Variants in HOXB8 observed in about 807,000 individuals in gnomAD.
HOXB8 encodes homeobox B8.
In HOXB8, 17 loss-of-function variants were observed where a neutral mutation model predicts 22.2. That is an observed-to-expected ratio of 0.77 (90% CI 0.53 to 1.15). The LOEUF (loss-of-function observed/expected upper bound fraction) is 1.15, where lower values mean the gene tolerates loss of function less well. HOXB8 is among the 50% of genes most tolerant of loss of function. HOXB8 has a pLI of 0.00. For synonymous variants in HOXB8, 156 were observed against 144.6 expected (o/e 1.08, Z -0.57); for missense variants, 287 against 323.8 (o/e 0.89, Z 0.87).
At position 48,614,497 on chromosome 17, in the gene HOXB8, G is replaced by T. The variant is rs2070699833; in HGVS notation, c.208C>A (p.Gln70Lys). 6.2e-7 allele frequency: 1 copy of T among 1,613,892 alleles called. No homozygotes were observed. The highest frequency in any genetic ancestry group is 1.7e-5 in the Admixed American group (1 of 60,002). Residue 70 changes from glutamine to lysine, a missense_variant, in exon 1 of 2, where the codon CAG (glutamine) becomes AAG (lysine). Physicochemically the swap from Gln to Lys is moderately conservative, Grantham distance 53. Coordinates refer to ENST00000239144, the MANE Select transcript of HOXB8 (RefSeq NM_024016.4). The surrounding 1 kb of genome is among the most constrained non-coding windows in gnomAD (Gnocchi z 4.1). ...GPSSLSTAPY[Q>K]QNPCAVACHG... ...CACGCCACGGCGCACGGGTTCTGCTGGTAGGGAGCCGTGGACAGCGACGAC... is the reference window on the plus strand; with the variant it reads ...CACGCCACGGCGCACGGGTTCTGCTTGTAGGGAGCCGTGGACAGCGACGAC...
intron 1 of HOXB8, among the ~76,000 whole-genome samples, 170 bp from the exon 2 acceptor site, chr17:48,613,679 G>A (rs541483405): frequency 1.1e-3 from 160 of 152,118 alleles, no homozygotes; most frequent in African/African-American, 3.8e-3. Flanking sequence ...CGCGGTCGGC[G>A]GAGGAGGAGG....
rs1380226401 is a variant in HOXB8, at chr17:48,613,289, G to A, written c.645C>T (p.Cys215=). 1 of 1,613,852 alleles carries A rather than the reference G, an allele frequency of 6.2e-7. No homozygotes were observed. The highest frequency in any genetic ancestry group is 8.5e-7 in the Non-Finnish European group (1 of 1,179,942). ...TCTGTTTCTCCAGCTCCTCCTGCTC[G>A]CATTTGCTGCTGGGGAACTTGTCTT... is the stretch of plus-strand genomic sequence containing the variant. ...NNKDKFPSSK[C]EQEELEKQKL... Residue 215 remains cysteine, a synonymous_variant, in exon 2 of 2, where the codon TGC becomes TGT. Transcript: ENST00000239144.
chr17:48,613,532 G>C (rs369614742), intron 1 of HOXB8, 23 bp from the exon 2 acceptor site: 1 of 704,804 alleles, frequency 1.4e-6, no homozygotes, highest in Non-Finnish European at 2.0e-6. Context: ...GAAAGGGCGA[G>C]ACAGAGGGGA....
chr17:48,614,899 G>T lies in HOXB8; in HGVS notation c.-195C>A, dbSNP rs2145002265. On this transcript the variant is annotated 5_prime_UTR_variant, in exon 1 of 2. Transcript: ENST00000239144. This position sits in a 1 kb window ranked among gnomAD's most constrained non-coding sequence, Gnocchi z 4.1. ...AGAAAGAAAAGGCGAAGAAGATCTC[G>T]AAGCCGACACACTTTTTGTGGTTTC... 1.8e-6 allele frequency: 1 copy of T among 543,718 alleles called. No homozygotes were observed. 33.7% of individuals were successfully genotyped at this position (543,718 alleles called of 1,614,324 possible).
At position 48,614,356 on chromosome 17, in the gene HOXB8, C is replaced by A. The variant is rs61737568; in HGVS notation, c.349G>T (p.Gly117Cys). Residue 117 changes from glycine to cysteine, a missense_variant, in exon 1 of 2, where the codon GGC (glycine) becomes TGC (cysteine). Around this residue, in one of 3 missense-constraint regions of HOXB8, gnomAD observed 229 missense variants for 239.8 expected, o/e 0.95. Coordinates refer to ENST00000239144, the MANE Select transcript of HOXB8 (RefSeq NM_024016.4). This position sits in a 1 kb window ranked among gnomAD's most constrained non-coding sequence, Gnocchi z 4.1. ...YADCKLAAAS[G>C]LGEEAEGSEQ... ...GAGCCCTCGGCCTCCTCGCCCAGGCCGCTGGCGGCGGCAAGCTTGCAGTCT... is the reference window on the plus strand; with the variant it reads ...GAGCCCTCGGCCTCCTCGCCCAGGCAGCTGGCGGCGGCAAGCTTGCAGTCT... The A allele has an allele frequency of 1.9e-6, 3 of 1,605,068 alleles. 1 individual carries two copies. Among genetic ancestry groups the A allele is most frequent in the South Asian group, 2.2e-5 (2 of 90,776 alleles).
rs972670141 is a variant in HOXB8 at position 48,615,226 on chromosome 17, AGAGCGAGAGAGAGC to A, written c.-536_-523del. ...CCGGACAGAACGCAGAGCGAGGGTG[AGAGCGAGAGAGAGC>A]GAGCGAGAGAGAGAGCTAGAGCGAG... On this transcript the variant is annotated 5_prime_UTR_variant, in exon 1 of 2. Transcript: ENST00000239144. 5.2e-5 allele frequency among the ~76,000 whole-genome samples: 6 copies of A among 115,286 alleles called. No homozygotes were observed. The highest frequency in any genetic ancestry group is 2.4e-4 in the Admixed American group (3 of 12,546). The allele number at this position is 115,286 out of a possible 152,430, so 75.6% of individuals were successfully genotyped here.
Position 48,615,246 on chromosome 17 carries a change from A to C in HOXB8, c.-542T>G, listed in dbSNP as rs2070712068. Reference sequence around the variant, plus strand: ...GGGTGAGAGCGAGAGAGAGCGAGCGAGAGAGAGAGCTAGAGCGAGAGAGCG... The same window carrying C: ...GGGTGAGAGCGAGAGAGAGCGAGCGCGAGAGAGAGCTAGAGCGAGAGAGCG... On this transcript the variant is annotated 5_prime_UTR_variant, in exon 1 of 2. Transcript: ENST00000239144. Among the ~76,000 whole-genome samples the C allele has an allele frequency of 6.7e-6, 1 of 149,496 alleles. No homozygotes were observed. Among genetic ancestry groups the C allele is most frequent in the African/African-American group, 2.5e-5 (1 of 40,618 alleles).
Position 48,614,353 on chromosome 17 carries a change from G to T in HOXB8, c.352C>A (p.Leu118Met). ...TCGGAGCCCTCGGCCTCCTCGCCCA[G>T]GCCGCTGGCGGCGGCAAGCTTGCAG... is the stretch of plus-strand genomic sequence containing the variant. ...ADCKLAAASGLGEEAEGSEQS... is the reference protein window; with the variant it reads ...ADCKLAAASGMGEEAEGSEQS... The change falls in exon 1 of 2, where the codon CTG (leucine) becomes ATG (methionine). Residue 118 changes from leucine to methionine, a missense_variant. By Grantham distance (15) the Leu-to-Met change is conservative. This residue lies in a region of HOXB8 where 229 missense variants were observed against 239.8 expected (regional missense o/e 0.95). Transcript: ENST00000239144. This position sits in a 1 kb window ranked among gnomAD's most constrained non-coding sequence, Gnocchi z 4.1. 6.2e-7 allele frequency: 1 copy of T among 1,603,360 alleles called. No homozygotes were observed. The highest frequency in any genetic ancestry group is 8.5e-7 in the Non-Finnish European group (1 of 1,177,578).
chr17:48,614,767 G>T lies in HOXB8; in HGVS notation c.-63C>A, dbSNP rs922718588. 2.0e-6 allele frequency: 2 copies of T among 990,510 alleles called. No individual in the cohort carries two copies. Among genetic ancestry groups the T allele is most frequent in the Admixed American group, 3.4e-5 (1 of 29,562 alleles). The allele number at this position is 990,510 out of a possible 1,614,324, so 61.4% of individuals were successfully genotyped here. On this transcript the variant is annotated 5_prime_UTR_variant, in exon 1 of 2. Transcript: ENST00000239144. The surrounding 1 kb of genome is among the most constrained non-coding windows in gnomAD (Gnocchi z 4.1). ...ATAGTTGGGGGCTGTTGGGGAGGGGGTGGGGAGGGGGAAAGGGAGGGAGAG... is the reference window on the plus strand; with the variant it reads ...ATAGTTGGGGGCTGTTGGGGAGGGGTTGGGGAGGGGGAAAGGGAGGGAGAG...
At chr17:48,613,718 T>TA (rs1728796554) in intron 1 of HOXB8, among the ~76,000 whole-genome samples, 1 of 151,650 alleles carries the variant, frequency 6.6e-6, no homozygotes. Context: ...CAAGTGAATC[T>TA]AAGGGAGCCA....
In HOXB8 at chr17:48,612,990, G is replaced by A. The variant is rs967637572; in HGVS notation, c.*212C>T. On this transcript the variant is annotated 3_prime_UTR_variant, in exon 2 of 2. Coordinates refer to ENST00000239144, the MANE Select transcript of HOXB8 (RefSeq NM_024016.4). ...CTTTCCCCCCGGCCCCCAAGAGAAG[G>A]GAAGGAGATCCACGGTAGCTCACAC... The A allele has an allele frequency of 3.3e-5, 7 of 215,072 alleles. No individual in the cohort carries two copies. Among genetic ancestry groups the A allele is most frequent in the East Asian group, 1.2e-4 (1 of 8,390 alleles). 13.3% of individuals were successfully genotyped at this position (215,072 alleles called of 1,614,324 possible).
At position 48,612,643 on chromosome 17, in the gene HOXB8, G is replaced by A. The variant is rs530923243; in HGVS notation, c.*559C>T. The A allele has an allele frequency of 6.5e-6, 1 of 152,696 alleles. No individual in the cohort carries two copies. The highest frequency in any genetic ancestry group is 1.5e-5 in the Non-Finnish European group (1 of 68,114). The allele number at this position is 152,696 out of a possible 1,614,324, so 9.5% of individuals were successfully genotyped here. ...GAGAAGCCAGAGAGAAAGCCAGCGA[G>A]CTGGGGGGTTGCAGAGGGGAGAGAG... On this transcript the variant is annotated 3_prime_UTR_variant, in exon 2 of 2. Transcript: ENST00000239144.
At chr17:48,613,833 G>A (rs1441325604) in intron 1 of HOXB8, among the ~76,000 whole-genome samples, 1 of 152,032 alleles carries the variant, frequency 6.6e-6, no homozygotes, top group Non-Finnish European at 1.5e-5. Flanking sequence ...TGTGAAGGAG[G>A]GGGGAAAATA....
In HOXB8 at chr17:48,613,463, C is replaced by T; in HGVS notation, c.471G>A (p.Gln157=). The T allele has an allele frequency of 6.7e-7, 1 of 1,490,164 alleles. No individual in the cohort carries two copies. Among genetic ancestry groups the T allele is most frequent in the South Asian group, 1.1e-5 (1 of 89,152 alleles). 92.3% of individuals were successfully genotyped at this position (1,490,164 alleles called of 1,614,324 possible). ...GGAACTCCTTCTCCAGCTCCAGGGTCTGGTAGCGGCTGTAGGTCTGTCGGC... is the reference window on the plus strand; with the variant it reads ...GGAACTCCTTCTCCAGCTCCAGGGTTTGGTAGCGGCTGTAGGTCTGTCGGC... ...RRGRQTYSRY[Q]TLELEKEFLF... Residue 157 remains glutamine, a synonymous_variant, in exon 2 of 2, where the codon CAG becomes CAA. Coordinates refer to ENST00000239144, the MANE Select transcript of HOXB8 (RefSeq NM_024016.4).
chr17:48,614,541 T>G lies in HOXB8; in HGVS notation c.164A>C (p.Gln55Pro), dbSNP rs989206063. 3.7e-6 allele frequency: 6 copies of G among 1,613,514 alleles called. No homozygotes were observed. The highest frequency in any genetic ancestry group is 4.5e-5 in the East Asian group (2 of 44,854). Reference protein sequence around the residue: ...GGSFQHPSQIQEFYHGPSSLS... With the variant: ...GGSFQHPSQIPEFYHGPSSLS... ...CGACGACGGCCCGTGGTAGAACTCC[T>G]GGATTTGCGACGGGTGCTGGAAGCT... The change falls in exon 1 of 2, where the codon CAG becomes CCG. Residue 55 changes from glutamine (Q) to proline (P), a missense_variant. Coordinates refer to ENST00000239144, the MANE Select transcript of HOXB8 (RefSeq NM_024016.4). The surrounding 1 kb of genome is among the most constrained non-coding windows in gnomAD (Gnocchi z 4.1).
Position 48,614,261 on chromosome 17 carries a change from C to A in HOXB8, c.424+20G>T. ...CCTTCCGGCCCCCTCCTGCCCTTGT[C>A]GGCCCCGAGGCGAGCTCACCTTGCG... On this transcript the variant is annotated intron_variant, in intron 1 of 1. Coordinates refer to ENST00000239144, the MANE Select transcript of HOXB8 (RefSeq NM_024016.4). The surrounding 1 kb of genome is among the most constrained non-coding windows in gnomAD (Gnocchi z 4.1). 6.8e-7 allele frequency: 1 copy of A among 1,471,812 alleles called. No individual in the cohort carries two copies. The allele number at this position is 1,471,812 out of a possible 1,614,324, so 91.2% of individuals were successfully genotyped here.
At chr17:48,613,667 G>T (rs937660253) in intron 1 of HOXB8, among the ~76,000 whole-genome samples, 158 bp from the exon 2 acceptor site, 4 of 151,874 alleles carry the variant, frequency 2.6e-5, no homozygotes, top group Admixed American at 6.5e-5. Context: ...GCGCAAGAAG[G>T]CCGCGGTCGG....
chr17:48,613,384 C>G lies in HOXB8; in HGVS notation c.550G>C (p.Gly184Arg), dbSNP rs1257346300. 1.2e-6 allele frequency: 2 copies of G among 1,614,000 alleles called. No homozygotes were observed. The highest frequency in any genetic ancestry group is 3.3e-5 in the Admixed American group (2 of 60,008). The change falls in exon 2 of 2, where the codon GGA (glycine) becomes CGA (arginine). Residue 184 changes from glycine to arginine, a missense_variant. This residue lies in a region of HOXB8 where 6 missense variants were observed against 29.2 expected (regional missense o/e 0.21). Coordinates refer to ENST00000239144, the MANE Select transcript of HOXB8 (RefSeq NM_024016.4). ...ATTTTGACCTGTCTCTCTGTCAGTC[C>G]CAGGGCGTGCGATACCTCGATTCGC... ...KRRIEVSHALGLTERQVKIWF... is the reference protein window; with the variant it reads ...KRRIEVSHALRLTERQVKIWF...
chr17:48,613,649 C>CG (rs375874402), intron 1 of HOXB8, 140 bp from the exon 2 acceptor site: 25,099 of 307,642 alleles, frequency 0.082, 2,009 homozygotes, highest in African/African-American at 0.24. Context: ...CGTGCGGGGG[C>CG]GGGGGGGGCG....
Sources: gnomAD v4.1 joint callset for allele counts (sites outside exome capture counted in the v4.1 genomes callset) on GRCh38, gnomAD v4.1.1 for gene constraint, gnomAD v4.1.1 regional missense constraint, Gnocchi (gnomAD v3.1) non-coding constraint, MANE v1.5 for transcripts, NCBI Gene and HGNC (gene_info 2026-07-23, HGNC 2026-07-21) for gene names.